The following PTPRN2 variants were observed in gnomAD, a reference collection of about 807,000 sequenced individuals.
The protein encoded by PTPRN2 is receptor-type tyrosine-protein phosphatase N2.
PTPRN2 carries 74 observed loss-of-function variants against 118.8 expected under a neutral mutation model. The ratio of observed to expected loss-of-function variants is 0.62; its 90% CI spans 0.52 to 0.76. The LOEUF is 0.76. Ranked by LOEUF, PTPRN2 falls within the 30% of genes least tolerant of loss-of-function variation. The probability of loss-of-function intolerance (pLI) is 0.00; values close to 1 mark genes in which losing one functional copy is unlikely to be tolerated. For missense variants in PTPRN2, 1,481 were observed against 1,394.4 expected (o/e 1.06, Z -0.99); for synonymous variants, 641 against 608.0 (o/e 1.05, Z -0.80).
At chr7:157,740,287 T>G (rs1170957056) in intron 12 of PTPRN2, 1 of 152,280 alleles carries the variant, frequency 6.6e-6, no homozygotes, top group East Asian at 1.9e-4. Context: ...AACACTAACC[T>G]ATCAATGACC....
rs138000881 is a variant in PTPRN2 at position 158,341,362 on chromosome 7, A to G, written c.164-24430T>C. Among the ~76,000 whole-genome samples the G allele has an allele frequency of 2.9e-3, 308 of 107,998 alleles. 14 individuals carry two copies. The highest frequency in any genetic ancestry group is 9.8e-3 in the African/African-American group (288 of 29,468). 70.9% of individuals were successfully genotyped at this position (107,998 alleles called of 152,430 possible). A position where few individuals can be genotyped will look rare whatever the true frequency, so the allele number is the denominator to read the frequency against. ...ACACTCTCACCATAAGAGGTAACACATGCAGACGTCACTCACACCCACACT... is the reference window on the plus strand; with the variant it reads ...ACACTCTCACCATAAGAGGTAACACGTGCAGACGTCACTCACACCCACACT... On this transcript the variant is annotated intron_variant, in intron 2 of 22. Coordinates refer to ENST00000389418, the MANE Select transcript of PTPRN2 (RefSeq NM_002847.5).
At chr7:158,320,832 A>G (rs1802954023) in intron 2 of PTPRN2, among the ~76,000 whole-genome samples, 1 of 152,196 alleles carries the variant, frequency 6.6e-6, no homozygotes, top group African/African-American at 2.4e-5. Flanking sequence ...GATCATGCCC[A>G]GGTTCGCTGC....
chr7:158,488,191 C>T (rs1301640996), intron 2 of PTPRN2, among the ~76,000 whole-genome samples: 1 of 152,116 alleles, frequency 6.6e-6, no homozygotes, highest in Non-Finnish European at 1.5e-5. Flanking sequence ...AGGCAGACGA[C>T]GTAGGATTTT....
At chr7:158,224,868 A>G (rs1400181171) in intron 3 of PTPRN2, among the ~76,000 whole-genome samples, 2 of 152,192 alleles carry the variant, frequency 1.3e-5, no homozygotes, top group African/African-American at 4.8e-5. Flanking sequence ...AGAACTCTCA[A>G]AACTAAACAT....
intron 12 of PTPRN2, among the ~76,000 whole-genome samples, chr7:157,773,992 C>T (rs964555007): frequency 2.0e-5 from 3 of 152,118 alleles, no homozygotes; most frequent in African/African-American, 7.2e-5. Flanking sequence ...AAAGTAAACA[C>T]ATATTTAAAA....
At position 158,051,833 on chromosome 7, in the gene PTPRN2, G is replaced by A. The variant is rs953615663; in HGVS notation, c.1723+29465C>T. On this transcript the variant is annotated intron_variant, in intron 11 of 22. Transcript: ENST00000389418. ...ACACTGTACTTAAACAAGTAGGCCC[G>A]GCTGCCAGGCATCTGTAAACAGCTT... Among the ~76,000 whole-genome samples, 11 of 152,278 alleles carry A rather than the reference G, an allele frequency of 7.2e-5. No homozygotes were observed. The East Asian group carries it at 1.2e-3, about 16-fold the overall frequency.
chr7:157,664,439 T>C (rs1978228), intron 13 of PTPRN2, among the ~76,000 whole-genome samples: 58,422 of 152,102 alleles, frequency 0.38, 12,286 homozygotes, highest in Non-Finnish European at 0.49. Context: ...CCACTACGAA[T>C]ACTCTAAGTA....
chr7:158,513,286 C>T (rs905549290), intron 1 of PTPRN2, among the ~76,000 whole-genome samples: 1 of 152,186 alleles, frequency 6.6e-6, no homozygotes, highest in Non-Finnish European at 1.5e-5. Flanking sequence ...ACTGACCAGG[C>T]CTCCTCAAAA....
chr7:157,691,069 C>A lies in PTPRN2; in HGVS notation c.1789-8132G>T, dbSNP rs1262616106. On this transcript the variant is annotated intron_variant, in intron 12 of 22. Coordinates refer to ENST00000389418, the MANE Select transcript of PTPRN2 (RefSeq NM_002847.5). ...AGCCACCGGTTGCTATAGCGATGTC[C>A]CCCCCCCCCCCCACATGTTGCTGAC... 6.7e-3 allele frequency among the ~76,000 whole-genome samples: 457 copies of A among 67,986 alleles called. 15 individuals carry two copies. The South Asian group carries it at 0.22, about 32-fold the overall frequency. 44.6% of individuals were successfully genotyped at this position (67,986 alleles called of 152,430 possible). A position where few individuals can be genotyped will look rare whatever the true frequency, so the allele number is the denominator to read the frequency against.
intron 6 of PTPRN2, among the ~76,000 whole-genome samples, chr7:158,143,333 A>G (rs1479287011): frequency 6.6e-6 from 1 of 152,122 alleles, no homozygotes; most frequent in Non-Finnish European, 1.5e-5. Flanking sequence ...GGCAGGAGGC[A>G]CCGGAGCCTG....
At chr7:158,389,763 G>C (rs554464770) in intron 2 of PTPRN2, among the ~76,000 whole-genome samples, 1 of 152,192 alleles carries the variant, frequency 6.6e-6, no homozygotes, top group African/African-American at 2.4e-5. Flanking sequence ...AATAGAAAAT[G>C]GGCTAAACGC....
intron 12 of PTPRN2, among the ~76,000 whole-genome samples, chr7:157,871,764 T>TAC (rs5888732): frequency 0.34 from 50,836 of 149,568 alleles, 10,549 homozygotes; most frequent in African/African-American, 0.6. Context: ...TATGCACACA[T>TAC]ACACACACAC....
chr7:158,150,894 A>G (rs1464423063), intron 6 of PTPRN2, among the ~76,000 whole-genome samples: 1 of 151,410 alleles, frequency 6.6e-6, no homozygotes, highest in Non-Finnish European at 1.5e-5. Context: ...GAATTATCCT[A>G]CTGGTTTGCA....
At chr7:158,069,368 T>A (rs1811033656) in intron 11 of PTPRN2, among the ~76,000 whole-genome samples, 1 of 152,162 alleles carries the variant, frequency 6.6e-6, no homozygotes, top group African/African-American at 2.4e-5. Flanking sequence ...TTGGCTAAAT[T>A]TTTAAATATT....
chr7:158,188,236 TTG>T lies in PTPRN2; in HGVS notation c.549+4089_549+4090del, dbSNP rs1563576634. On this transcript the variant is annotated intron_variant, in intron 5 of 22. Transcript: ENST00000389418. ...CGCCTGATGGGGAAGGCCGCCACGC[TTG>T]CCCCGCGATGGGGAAGGCCGCCACG... Among the ~76,000 whole-genome samples the T allele has an allele frequency of 1.7e-3, 107 of 61,362 alleles. 3 individuals are homozygous for T. Among genetic ancestry groups the T allele is most frequent in the African/African-American group, 3.1e-3 (57 of 18,564 alleles). The allele number at this position is 61,362 out of a possible 152,430, so 40.3% of individuals were successfully genotyped here. A position where few individuals can be genotyped will look rare whatever the true frequency, so the allele number is the denominator to read the frequency against.
chr7:157,870,088 T>C (rs1225651205), intron 12 of PTPRN2, among the ~76,000 whole-genome samples: 1 of 152,222 alleles, frequency 6.6e-6, no homozygotes, highest in Non-Finnish European at 1.5e-5. Context: ...GATTCCGCTG[T>C]TAAAAATTTC....
chr7:158,071,778 CTTGTG>C, intron 11 of PTPRN2, among the ~76,000 whole-genome samples: 1 of 129,588 alleles, frequency 7.7e-6, no homozygotes, highest in Non-Finnish European at 1.6e-5. Flanking sequence ...GATGGAGGTG[CTTGTG>C]GTGGTGGAGG....
rs181326715 is a variant in PTPRN2 at position 157,674,953 on chromosome 7, C to T, written c.2001+7772G>A. ...GAGGGACGGTGGCCCCAAGGGGAGCCGGGAGAGCAGAGGCTACAGGCAGGG... is the reference window on the plus strand; with the variant it reads ...GAGGGACGGTGGCCCCAAGGGGAGCTGGGAGAGCAGAGGCTACAGGCAGGG... On this transcript the variant is annotated intron_variant, in intron 13 of 22. Coordinates refer to ENST00000389418, the MANE Select transcript of PTPRN2 (RefSeq NM_002847.5). This position sits in a 1 kb window ranked among gnomAD's most constrained non-coding sequence, Gnocchi z 4.5. Among the ~76,000 whole-genome samples the T allele has an allele frequency of 4.1e-4, 62 of 152,262 alleles. No homozygotes were observed. Among genetic ancestry groups the T allele is most frequent in the Non-Finnish European group, 5.4e-4 (37 of 68,012 alleles).
At chr7:158,505,700 G>T (rs1822693653) in intron 1 of PTPRN2, among the ~76,000 whole-genome samples, 1 of 147,696 alleles carries the variant, frequency 6.8e-6, no homozygotes, top group South Asian at 2.2e-4. Context: ...GTGTGAAGTA[G>T]GAGGGAACGG....
Sources: allele counts gnomAD v4.1 joint callset (sites outside exome capture counted in the v4.1 genomes callset), GRCh38; gene constraint gnomAD v4.1.1; non-coding constraint Gnocchi (gnomAD v3.1); transcripts MANE v1.5; gene names NCBI Gene and HGNC (gene_info 2026-07-23, HGNC 2026-07-21).